CCSER1: variants seen among roughly 807,000 people sequenced by gnomAD.
CCSER1 encodes the protein coiled-coil serine rich protein 1.
CCSER1 carries 41 observed loss-of-function variants against 82.0 expected under a neutral mutation model. The ratio of observed to expected loss-of-function variants is 0.50; its 90% CI spans 0.39 to 0.65. The LOEUF is 0.65. Among genes scored for constraint, CCSER1 ranks in the 30% least tolerant of loss-of-function variants. CCSER1 has a pLI of 0.00. For synonymous variants in CCSER1, 414 were observed against 383.9 expected, an observed-to-expected ratio of 1.08 and a Z score of -0.92; for missense variants, 1,119 against 1,064.2, an observed-to-expected ratio of 1.05 and a Z score of -0.72.
intron 8 of CCSER1, among the ~76,000 whole-genome samples, chr4:90,884,662 A>T (rs1402995409): frequency 1.3e-5 from 2 of 152,140 alleles, no homozygotes; most frequent in Non-Finnish European, 2.9e-5. Flanking sequence ...TATCTATTTT[A>T]AAATGTGTTT....
At chr4:90,859,087 T>C (rs1374976013) in intron 8 of CCSER1, among the ~76,000 whole-genome samples, 1 of 151,922 alleles carries the variant, frequency 6.6e-6, no homozygotes, top group Non-Finnish European at 1.5e-5. Flanking sequence ...ATGTTTGAAG[T>C]GACAGAAGTG....
chr4:90,551,446 C>T (rs950293120), intron 5 of CCSER1, among the ~76,000 whole-genome samples: 9 of 151,982 alleles, frequency 5.9e-5, no homozygotes, highest in African/African-American at 1.9e-4. Flanking sequence ...CTATCAGCCA[C>T]AGTACTTTCT....
At chr4:90,920,352 G>A (rs1728196686) in intron 8 of CCSER1, among the ~76,000 whole-genome samples, 1 of 151,678 alleles carries the variant, frequency 6.6e-6, no homozygotes, top group South Asian at 2.1e-4. Context: ...AAATCTTTTG[G>A]CATAGCATTC....
At chr4:91,476,867 G>T (rs1039161996) in intron 10 of CCSER1, among the ~76,000 whole-genome samples, 1 of 151,684 alleles carries the variant, frequency 6.6e-6, no homozygotes, top group Non-Finnish European at 1.5e-5. Flanking sequence ...TTCATATGCA[G>T]AAGAATGAAA....
At chr4:90,408,281 A>C (rs1754075610) in intron 4 of CCSER1, among the ~76,000 whole-genome samples, 1 of 152,186 alleles carries the variant, frequency 6.6e-6, no homozygotes. Context: ...CTTTGAAGAG[A>C]GTAGTGATTC....
At chr4:90,360,084 A>AT (rs1235256714) in intron 3 of CCSER1, among the ~76,000 whole-genome samples, 2 of 148,598 alleles carry the variant, frequency 1.3e-5, no homozygotes, top group African/African-American at 4.9e-5. Flanking sequence ...CGCCTGGCTA[A>AT]TTTTTTGTAT....
intron 10 of CCSER1, among the ~76,000 whole-genome samples, chr4:91,111,266 A>G (rs942197704): frequency 6.6e-6 from 1 of 152,008 alleles, no homozygotes; most frequent in African/African-American, 2.4e-5. Context: ...TAATGTGACC[A>G]CCTTGAACTG....
chr4:90,457,372 TA>T (rs934266326), intron 4 of CCSER1, among the ~76,000 whole-genome samples: 10 of 152,180 alleles, frequency 6.6e-5, no homozygotes, highest in African/African-American at 2.2e-4. Flanking sequence ...ACATGCTGAC[TA>T]GGGGGGCATG....
chr4:90,616,714 C>T (rs1224545626), intron 5 of CCSER1, among the ~76,000 whole-genome samples: 1 of 125,472 alleles, frequency 8.0e-6, no homozygotes, highest in African/African-American at 3.6e-5. Flanking sequence ...CACACACACA[C>T]ACACACACAC....
intron 4 of CCSER1, among the ~76,000 whole-genome samples, chr4:90,457,084 G>A (rs561040963): frequency 9.2e-5 from 14 of 152,310 alleles, no homozygotes; most frequent in African/African-American, 2.9e-4. Context: ...TGTACAACAA[G>A]GCACACTGGC....
At chr4:90,754,930 C>T (rs1749249760) in intron 7 of CCSER1, among the ~76,000 whole-genome samples, 1 of 152,124 alleles carries the variant, frequency 6.6e-6, no homozygotes, top group Non-Finnish European at 1.5e-5. Flanking sequence ...CATTCTGCTC[C>T]CCTTTCCTCA....
At chr4:90,923,900 TCAGTGCAGG>T (rs1728730999) in intron 9 of CCSER1, among the ~76,000 whole-genome samples, 1 of 152,242 alleles carries the variant, frequency 6.6e-6, no homozygotes, top group Non-Finnish European at 1.5e-5. Flanking sequence ...CTCTTGGGCT[TCAGTGCAGG>T]CAGCAGAAAG....
At chr4:91,386,769 T>C (rs1751321642) in intron 10 of CCSER1, among the ~76,000 whole-genome samples, 1 of 152,090 alleles carries the variant, frequency 6.6e-6, no homozygotes, top group African/African-American at 2.4e-5. Context: ...TCTTATGTAT[T>C]AGCCTTCCCA....
chr4:90,228,862 A>T (rs1207155342), intron 1 of CCSER1, among the ~76,000 whole-genome samples: 1 of 152,236 alleles, frequency 6.6e-6, no homozygotes, highest in Non-Finnish European at 1.5e-5. Flanking sequence ...ACTGGAAGAA[A>T]GGGTATCAGC....
chr4:90,385,730 T>G (rs1051121550), intron 3 of CCSER1, among the ~76,000 whole-genome samples: 1 of 152,158 alleles, frequency 6.6e-6, no homozygotes, highest in Non-Finnish European at 1.5e-5. Context: ...TGCATTTCCC[T>G]GATGGTTAGT....
chr4:90,795,872 T>G (rs1755931142), intron 7 of CCSER1, among the ~76,000 whole-genome samples: 1 of 152,238 alleles, frequency 6.6e-6, no homozygotes, highest in African/African-American at 2.4e-5. Context: ...ATAAGCATTT[T>G]GATGTGCTGC....
At chr4:90,631,553 T>G (rs551149093) in intron 6 of CCSER1, among the ~76,000 whole-genome samples, 17 of 152,312 alleles carry the variant, frequency 1.1e-4, no homozygotes, top group Non-Finnish European at 7.4e-5. Flanking sequence ...TGTTTAAGAT[T>G]GCTCTAGGGT....
At chr4:90,555,272 T>A (rs1303277393) in intron 5 of CCSER1, among the ~76,000 whole-genome samples, 1 of 151,090 alleles carries the variant, frequency 6.6e-6, no homozygotes, top group Non-Finnish European at 1.5e-5. Context: ...TTCCTGAGGG[T>A]TTTCAAGTTA....
Position 91,201,062 on chromosome 4 carries a change from C to CT in CCSER1, c.2217+115069dup, listed in dbSNP as rs1289514570. On this transcript the variant is annotated intron_variant, in intron 10 of 10. Coordinates refer to ENST00000509176, the MANE Select transcript of CCSER1 (RefSeq NM_001145065.2). The stretch of plus-strand genomic sequence containing the variant: ...ACTATGTATCTGACTGTGTTAAACC[C>CT]TATAGGTACCAGTCTCATGGAATCT... 3.3e-5 allele frequency among the ~76,000 whole-genome samples: 5 copies of CT among 152,080 alleles called. No individual in the cohort carries two copies. In the East Asian group the frequency reaches 9.7e-4, roughly 29 times the overall value.
Sources: allele counts gnomAD v4.1 joint callset (sites outside exome capture counted in the v4.1 genomes callset), GRCh38; gene constraint gnomAD v4.1.1; transcripts MANE v1.5; gene names NCBI Gene and HGNC (gene_info 2026-07-23, HGNC 2026-07-21).